MAPK10: variants seen among roughly 807,000 people sequenced by gnomAD.
The protein encoded by MAPK10 is mitogen-activated protein kinase 10.
MAPK10 carries 25 observed loss-of-function variants against 59.3 expected under a neutral mutation model. The observed-to-expected ratio is 0.42, with a 90% CI of 0.31 to 0.59. The LOEUF is 0.59. Among genes scored for constraint, MAPK10 ranks in the 20% least tolerant of loss-of-function variants. The probability of loss-of-function intolerance (pLI) is 0.15; values close to 1 mark genes in which losing one functional copy is unlikely to be tolerated. For synonymous variants in MAPK10, 190 were observed against 200.5 expected, an observed-to-expected ratio of 0.95 and a Z score of 0.44; for missense variants, 351 against 568.9, an observed-to-expected ratio of 0.62 and a Z score of 3.90.
chr4:86,423,478 C>T (rs1338581853), intron 1 of MAPK10, among the ~76,000 whole-genome samples: 1 of 152,006 alleles, frequency 6.6e-6, no homozygotes, highest in Non-Finnish European at 1.5e-5. Flanking sequence ...TTTAATAAAA[C>T]TAAACAAATG....
At chr4:86,247,475 G>C (rs924763669) in intron 2 of MAPK10, among the ~76,000 whole-genome samples, 1 of 152,248 alleles carries the variant, frequency 6.6e-6, no homozygotes, top group East Asian at 1.9e-4. Flanking sequence ...ATTGGACAAA[G>C]ATTTATTGAG....
chr4:86,222,307 C>T (rs2148644331), intron 2 of MAPK10, among the ~76,000 whole-genome samples: 1 of 152,346 alleles, frequency 6.6e-6, no homozygotes, highest in African/African-American at 2.4e-5. Flanking sequence ...CTCTTCTAAA[C>T]TAAGGCACTC....
At chr4:86,231,495 GA>G (rs981735920) in intron 2 of MAPK10, among the ~76,000 whole-genome samples, 25 of 147,106 alleles carry the variant, frequency 1.7e-4, no homozygotes, top group East Asian at 6.0e-4. Context: ...CCCTACTAAA[GA>G]AAAAAAAAAT....
intron 1 of MAPK10, among the ~76,000 whole-genome samples, chr4:86,549,503 A>C (rs764925920): frequency 6.6e-6 from 1 of 152,190 alleles, no homozygotes; most frequent in Non-Finnish European, 1.5e-5. Flanking sequence ...GAAAGGGTAT[A>C]CCTATATTGG....
intron 2 of MAPK10, among the ~76,000 whole-genome samples, chr4:86,251,142 T>C (rs1483656802): frequency 1.3e-5 from 2 of 148,812 alleles, no homozygotes; most frequent in Non-Finnish European, 3.0e-5. Flanking sequence ...AAATAGAACA[T>C]CGTTTTTATT....
At chr4:86,130,046 A>C (rs1580840073) in intron 4 of MAPK10, among the ~76,000 whole-genome samples, 1 of 152,264 alleles carries the variant, frequency 6.6e-6, no homozygotes, top group Admixed American at 6.5e-5. Flanking sequence ...TCAATACTTA[A>C]GTTTTGTGTC....
chr4:86,257,682 C>T (rs1244287467), intron 2 of MAPK10, among the ~76,000 whole-genome samples: 3 of 152,152 alleles, frequency 2.0e-5, no homozygotes, highest in Non-Finnish European at 2.9e-5. Context: ...CAGGCATCCA[C>T]ATTTTAGCTT....
At position 86,014,885 on chromosome 4, in the gene MAPK10, G is replaced by C. The variant is rs1456677750; in HGVS notation, c.*2343C>G. 1 of 151,904 alleles carries C rather than the reference G, an allele frequency of 6.6e-6. No homozygotes were observed. Among genetic ancestry groups the C allele is most frequent in the Non-Finnish European group, 1.5e-5 (1 of 68,008 alleles). The allele number at this position is 151,904 out of a possible 1,614,324, so 9.4% of individuals were successfully genotyped here. A position where few individuals can be genotyped will look rare whatever the true frequency, so the allele number is the denominator to read the frequency against. ...GAGACTCTCTTTAAAGCAGCTTCCT[G>C]CTCTCCGCACTTAATCCCATGTGGT... On this transcript the variant is annotated 3_prime_UTR_variant, in exon 14 of 14. Coordinates refer to ENST00000641462, the MANE Select transcript of MAPK10 (RefSeq NM_138982.4).
intron 2 of MAPK10, among the ~76,000 whole-genome samples, chr4:86,343,929 T>C (rs909241614): frequency 8.5e-5 from 13 of 152,328 alleles, no homozygotes; most frequent in South Asian, 8.3e-4. Context: ...TTTACAATCA[T>C]TGATTTTTAA....
chr4:86,310,826 T>C (rs750038697), intron 2 of MAPK10, among the ~76,000 whole-genome samples: 1 of 152,134 alleles, frequency 6.6e-6, no homozygotes, highest in African/African-American at 2.4e-5. Flanking sequence ...CTTTATTCCT[T>C]TCCTGCTGTG....
rs527563503 is a variant in MAPK10 at position 86,030,309 on chromosome 4, T to C, written c.1175-1035A>G. ...GAATCTCTTTAGTATCTTTTAAAAT[T>C]TTTTTATTTTATTTTTTATTTTACA... On this transcript the variant is annotated intron_variant, in intron 12 of 13. Coordinates refer to ENST00000641462, the MANE Select transcript of MAPK10 (RefSeq NM_138982.4). Among the ~76,000 whole-genome samples, 11 of 152,126 alleles carry C rather than the reference T, an allele frequency of 7.2e-5. No individual in the cohort carries two copies. In the South Asian group the frequency reaches 1.7e-3, roughly 23 times the overall value.
chr4:86,366,833 G>T (rs1051690356), intron 1 of MAPK10, among the ~76,000 whole-genome samples: 1 of 152,104 alleles, frequency 6.6e-6, no homozygotes, highest in Non-Finnish European at 1.5e-5. Context: ...ATGCCCTAAG[G>T]TCTCTTGTCA....
At chr4:86,437,703 A>G (rs1403205950) in intron 1 of MAPK10, among the ~76,000 whole-genome samples, 1 of 152,212 alleles carries the variant, frequency 6.6e-6, no homozygotes, top group Non-Finnish European at 1.5e-5. Context: ...TGCTGATCAT[A>G]TGCATAACCT....
intron 2 of MAPK10, among the ~76,000 whole-genome samples, chr4:86,333,383 G>A (rs1456424821): frequency 6.6e-6 from 1 of 152,010 alleles, no homozygotes; most frequent in African/African-American, 2.4e-5. Context: ...AATTCTCCTA[G>A]TCCTAGCTCC....
rs1000005440 is a variant in MAPK10 at position 86,100,934 on chromosome 4, A to G, written c.730+118T>C. 44 of 814,308 alleles carry G rather than the reference A, an allele frequency of 5.4e-5. No homozygotes were observed. The Middle Eastern group carries it at 1.1e-3, about 21-fold the overall frequency. 50.4% of individuals were successfully genotyped at this position (814,308 alleles called of 1,614,324 possible). A position where few individuals can be genotyped will look rare whatever the true frequency, so the allele number is the denominator to read the frequency against. On this transcript the variant is annotated intron_variant, in intron 8 of 13. Transcript: ENST00000641462. ...TATTAAAAAAAACCCTGAATATGCTATCTGGCAGCCCTACTTTATAAAAGC... is the reference window on the plus strand; with the variant it reads ...TATTAAAAAAAACCCTGAATATGCTGTCTGGCAGCCCTACTTTATAAAAGC...
chr4:86,222,143 T>C (rs1008693912), intron 2 of MAPK10, among the ~76,000 whole-genome samples: 2 of 152,216 alleles, frequency 1.3e-5, no homozygotes, highest in African/African-American at 4.8e-5. Flanking sequence ...GCCAGCATCA[T>C]GCTTTCTGTA....
chr4:86,202,206 T>A (rs750197340), intron 2 of MAPK10, among the ~76,000 whole-genome samples: 3 of 151,962 alleles, frequency 2.0e-5, no homozygotes, highest in African/African-American at 4.8e-5. Flanking sequence ...AACTGTTCAT[T>A]TTCAGCATTC....
intron 3 of MAPK10, among the ~76,000 whole-genome samples, chr4:86,180,782 T>C (rs1308166391): frequency 6.6e-6 from 1 of 151,938 alleles, no homozygotes; most frequent in East Asian, 1.9e-4. Context: ...CTCATTCATA[T>C]ATGGAAGCTA....
At chr4:86,550,996 T>C (rs905611939) in intron 1 of MAPK10, among the ~76,000 whole-genome samples, 2 of 152,220 alleles carry the variant, frequency 1.3e-5, no homozygotes, top group African/African-American at 4.8e-5. Flanking sequence ...CTAAAGCTAG[T>C]CTAACTTCAA....
Sources: allele counts gnomAD v4.1 joint callset (sites outside exome capture counted in the v4.1 genomes callset), GRCh38; gene constraint gnomAD v4.1.1; transcripts MANE v1.5; gene names NCBI Gene and HGNC (gene_info 2026-07-23, HGNC 2026-07-21).